The following ARHGEF3 variants were observed in gnomAD, a reference collection of about 807,000 sequenced individuals.
ARHGEF3 encodes the protein Rho guanine nucleotide exchange factor 3.
Under a neutral mutation model 63.2 loss-of-function variants are expected in ARHGEF3, and 28 were observed. The observed-to-expected ratio is 0.44, with a 90% CI of 0.33 to 0.61. The LOEUF (loss-of-function observed/expected upper bound fraction) is 0.61. Ranked by LOEUF, ARHGEF3 falls within the 20% of genes least tolerant of loss-of-function variation. The pLI, the probability that ARHGEF3 is intolerant of heterozygous loss-of-function variation, is 0.03. For synonymous variants in ARHGEF3, 266 were observed against 254.2 expected, an observed-to-expected ratio of 1.05 and a Z score of -0.44; for missense variants, 533 against 659.3, an observed-to-expected ratio of 0.81 and a Z score of 2.10.
At chr3:57,056,723 T>C (rs1704953768) in intron 1 of ARHGEF3, among the ~76,000 whole-genome samples, 1 of 152,182 alleles carries the variant, frequency 6.6e-6, no homozygotes, top group South Asian at 2.1e-4. Context: ...TGTAGCTATG[T>C]TGCCTCATGT....
intron 2 of ARHGEF3, among the ~76,000 whole-genome samples, chr3:56,765,618 C>T (rs2035660773): frequency 6.6e-6 from 1 of 152,090 alleles, no homozygotes; most frequent in African/African-American, 2.4e-5. Context: ...TGGCATCAGC[C>T]ATCCCATATT....
intron 3 of ARHGEF3, among the ~76,000 whole-genome samples, chr3:56,944,809 C>T (rs551524661): frequency 8.5e-5 from 13 of 152,060 alleles, no homozygotes; most frequent in African/African-American, 2.9e-4. Flanking sequence ...GAACTCCTGA[C>T]CTCAAGTGAT....
intron 4 of ARHGEF3, among the ~76,000 whole-genome samples, chr3:56,857,594 A>G (rs73084224): frequency 0.053 from 8,028 of 152,270 alleles, 292 homozygotes; most frequent in Middle Eastern, 0.12. Context: ...TGTACTTTTT[A>G]TTCTGTGACA....
chr3:56,937,227 A>G (rs2108409446), intron 3 of ARHGEF3, among the ~76,000 whole-genome samples: 1 of 152,356 alleles, frequency 6.6e-6, no homozygotes, highest in East Asian at 1.9e-4. Context: ...CTGAGAAAAT[A>G]TGAATATAGA....
chr3:56,934,128 C>T (rs1406932421), intron 3 of ARHGEF3, among the ~76,000 whole-genome samples: 1 of 152,234 alleles, frequency 6.6e-6, no homozygotes, highest in Non-Finnish European at 1.5e-5. Flanking sequence ...TTCTTTACAG[C>T]AGTGTGAAAA....
chr3:57,034,949 C>A, intron 2 of ARHGEF3: 1 of 658,956 alleles, frequency 1.5e-6, no homozygotes, highest in Non-Finnish European at 2.5e-6. Context: ...GCATGAGACA[C>A]CATGCCTAGC....
chr3:56,751,307 T>A lies in ARHGEF3; in HGVS notation c.528A>T (p.Leu176=). ...CTGGGAACAAAATTATACCTTCATG[T>A]AGAGGAATTAGAGAGTCCAGTGTTC... ...IFGTLDSLIP[L]HEELLSQLRD... is the part of the protein sequence containing the mutation. Residue 176 remains leucine, a synonymous_variant, in exon 5 of 10, where the codon CTA becomes CTT. Transcript: ENST00000296315. 1.2e-6 allele frequency: 2 copies of A among 1,611,404 alleles called. No homozygotes were observed. Among genetic ancestry groups the A allele is most frequent in the Middle Eastern group, 3.3e-4 (2 of 6,056 alleles).
chr3:56,823,986 G>GAAAAAAAA (rs5849170), intron 4 of ARHGEF3, among the ~76,000 whole-genome samples: 2 of 126,408 alleles, frequency 1.6e-5, no homozygotes. Context: ...TTGAGGAAAG[G>GAAAAAAAA]AAAAAAAAAA....
At chr3:57,000,497 C>CATTATTATT (rs375967050) in intron 2 of ARHGEF3, among the ~76,000 whole-genome samples, 76 of 148,908 alleles carry the variant, frequency 5.1e-4, no homozygotes, top group African/African-American at 1.7e-3. Flanking sequence ...ACCTTTACTA[C>CATTATTATT]ATTATTATTA....
At chr3:56,852,513 C>A (rs545088778) in intron 4 of ARHGEF3, among the ~76,000 whole-genome samples, 1 of 152,144 alleles carries the variant, frequency 6.6e-6, no homozygotes, top group African/African-American at 2.4e-5. Flanking sequence ...TGCGTGTACA[C>A]GTGCACACAC....
chr3:56,851,351 G>A (rs1198048848), intron 4 of ARHGEF3, among the ~76,000 whole-genome samples: 1 of 152,002 alleles, frequency 6.6e-6, no homozygotes, highest in Non-Finnish European at 1.5e-5. Context: ...CTCCTAATGG[G>A]CTTTTGTCTC....
intron 3 of ARHGEF3, among the ~76,000 whole-genome samples, chr3:56,898,292 C>T (rs978476902): frequency 6.6e-6 from 1 of 152,184 alleles, no homozygotes; most frequent in Non-Finnish European, 1.5e-5. Flanking sequence ...TCACTGAAAC[C>T]TCCACTGCCC....
At chr3:57,007,068 T>G (rs897856120) in intron 2 of ARHGEF3, 7 of 948,868 alleles carry the variant, frequency 7.4e-6, no homozygotes, top group Admixed American at 3.7e-5. Flanking sequence ...CTCTGGGTGC[T>G]GACTATTAAG....
chr3:56,775,357 C>A, intron 1 of ARHGEF3: 1 of 1,096,212 alleles, frequency 9.1e-7, no homozygotes, highest in African/African-American at 1.6e-5. Flanking sequence ...CCAAGCTTTC[C>A]AGCATTTGCA....
intron 1 of ARHGEF3, chr3:57,060,308 A>G (rs1705152863): frequency 6.6e-6 from 1 of 152,132 alleles, no homozygotes. Flanking sequence ...TCTCAAAAAA[A>G]AAAAAAAAAG....
intron 1 of ARHGEF3, among the ~76,000 whole-genome samples, chr3:56,794,488 C>CAAAAAAAAAAAAAAAAAAAA (rs10557985): frequency 4.3e-5 from 5 of 116,912 alleles, no homozygotes; most frequent in East Asian, 2.4e-4. Context: ...GACTCTATCT[C>CAAAAAAAAAAAAAAAAAAAA]AAAAAAAAAA....
At chr3:57,067,968 C>T (rs577396092) in intron 1 of ARHGEF3, among the ~76,000 whole-genome samples, 19 of 151,678 alleles carry the variant, frequency 1.3e-4, no homozygotes, top group African/African-American at 3.9e-4. Flanking sequence ...CCAGCCTGGG[C>T]GACAGAGCAA....
chr3:56,790,340 G>A (rs545780521), intron 1 of ARHGEF3, among the ~76,000 whole-genome samples: 1 of 152,300 alleles, frequency 6.6e-6, no homozygotes, highest in Admixed American at 6.5e-5. Flanking sequence ...AACATCTGAG[G>A]AGGAAGGAGG....
chr3:56,761,420 T>C lies in ARHGEF3; in HGVS notation c.205-6269A>G, dbSNP rs561377866. ...CTATCAGCATCCCTGCCACTGTCCA[T>C]CTACACACCCTCTGCCCTTCTCTTT... On this transcript the variant is annotated intron_variant, in intron 2 of 9. Coordinates refer to ENST00000296315, the MANE Select transcript of ARHGEF3 (RefSeq NM_019555.3). 7.9e-5 allele frequency among the ~76,000 whole-genome samples: 12 copies of C among 152,236 alleles called. No homozygotes were observed. The South Asian group carries it at 2.5e-3, about 32-fold the overall frequency.
Sources: gnomAD v4.1 joint callset for allele counts (sites outside exome capture counted in the v4.1 genomes callset) on GRCh38, gnomAD v4.1.1 for gene constraint, MANE v1.5 for transcripts, NCBI Gene and HGNC (gene_info 2026-07-23, HGNC 2026-07-21) for gene names.